Variants in CR1 observed in about 807,000 individuals in gnomAD.
CR1 encodes complement receptor type 1.
CR1 carries 116 observed loss-of-function variants against 187.3 expected under a neutral mutation model. The ratio of observed to expected loss-of-function variants is 0.62; its 90% CI spans 0.53 to 0.72. The LOEUF (loss-of-function observed/expected upper bound fraction) is 0.72. Among genes scored for constraint, CR1 ranks in the 30% least tolerant of loss-of-function variants. The probability of loss-of-function intolerance (pLI) is 0.00; values close to 1 mark genes in which losing one functional copy is unlikely to be tolerated. For missense variants in CR1, 1,731 were observed against 2,110.7 expected (o/e 0.82, Z 3.52); for synonymous variants, 576 against 747.1 (o/e 0.77, Z 3.73).
rs536671038 is a variant in CR1, at chr1:207,634,920, G to A, written c.7457+4299G>A. On this transcript the variant is annotated intron_variant, in intron 46 of 46. Transcript: ENST00000367049. ...TGTACGTTTTCTAGAATGGAAGGAG[G>A]CTGTTTAGTAGCTCAACTCTGAGAA... is the stretch of plus-strand genomic sequence containing the variant. 9.2e-5 allele frequency among the ~76,000 whole-genome samples: 14 copies of A among 152,292 alleles called. No homozygotes were observed. In the East Asian group the frequency reaches 2.7e-3, roughly 29 times the overall value.
At chr1:207,568,353 A>T (rs1311355824) in intron 25 of CR1, among the ~76,000 whole-genome samples, 1 of 109,208 alleles carries the variant, frequency 9.2e-6, no homozygotes, top group Non-Finnish European at 1.8e-5. Flanking sequence ...CTGACCTAGA[A>T]AATCGGTGGC....
intron 44 of CR1, 114 bp downstream of exon 44, chr1:207,622,110 T>A: frequency 2.8e-6 from 2 of 713,708 alleles, no homozygotes; most frequent in Non-Finnish European, 4.4e-6. Context: ...TGTAAAGAGA[T>A]CAAAATATCT....
intron 35 of CR1, among the ~76,000 whole-genome samples, chr1:207,598,152 A>G (rs1005449163): frequency 2.6e-5 from 4 of 152,222 alleles, no homozygotes; most frequent in Admixed American, 2.6e-4. Context: ...AATTTTTGGA[A>G]CTAAGCAGTG....
chr1:207,510,875 G>A (rs1372375673), intron 3 of CR1, among the ~76,000 whole-genome samples: 1 of 149,194 alleles, frequency 6.7e-6, no homozygotes, highest in African/African-American at 2.5e-5. Context: ...AGGCTGGAGT[G>A]CAGTGGCATG....
In CR1 at chr1:207,640,948, C is replaced by T. The variant is rs1662966577; in HGVS notation, c.*1539C>T. The stretch of plus-strand genomic sequence containing the variant: ...AGCTTAAGAAAAATCAACTGATAAA[C>T]TGCAAGAAAAAAATGCAACTTACAT... On this transcript the variant is annotated 3_prime_UTR_variant, in exon 47 of 47. Transcript: ENST00000367049. 1 of 152,018 alleles carries T rather than the reference C, an allele frequency of 6.6e-6. No individual in the cohort carries two copies. Among genetic ancestry groups the T allele is most frequent in the Admixed American group, 6.5e-5 (1 of 15,270 alleles). 9.4% of individuals were successfully genotyped at this position (152,018 alleles called of 1,614,324 possible).
At chr1:207,610,746 CT>C (rs966687576) in intron 37 of CR1, among the ~76,000 whole-genome samples, 12 of 151,734 alleles carry the variant, frequency 7.9e-5, no homozygotes, top group African/African-American at 2.9e-4. Flanking sequence ...AAGTCTGTAG[CT>C]TTTTTTTCTT....
At chr1:207,609,778 T>C in intron 37 of CR1, 90 bp downstream of exon 37, 1 of 1,331,242 alleles carries the variant, frequency 7.5e-7, no homozygotes, top group Non-Finnish European at 9.8e-7. Context: ...GTATAAGGAC[T>C]ATGAAATTGG....
rs557996744 is a variant in CR1 at position 207,601,494 on chromosome 1, C to A, written c.5811-5757C>A. Among the ~76,000 whole-genome samples, 23 of 152,228 alleles carry A rather than the reference C, an allele frequency of 1.5e-4. No homozygotes were observed. In the South Asian group the frequency reaches 3.9e-3, roughly 26 times the overall value. The stretch of plus-strand genomic sequence containing the variant: ...TTTAACTTTTCAAAGAATTGCCAGA[C>A]TATTTTCCACAGCTGCTGTACCATT... On this transcript the variant is annotated intron_variant, in intron 35 of 46. Transcript: ENST00000367049.
intron 23 of CR1, 21 bp downstream of exon 23, chr1:207,564,255 C>A (rs1413892697): frequency 1.3e-6 from 2 of 1,562,836 alleles, no homozygotes; most frequent in Non-Finnish European, 1.7e-6. Flanking sequence ...GCTTGCCTGA[C>A]CTGCTGGACA....
At chr1:207,575,469 G>A in intron 27 of CR1, 126 bp from the exon 28 acceptor site, 1 of 1,168,816 alleles carries the variant, frequency 8.6e-7, no homozygotes, top group Admixed American at 1.9e-5. Context: ...GGAAACAATA[G>A]GTAAAGTTTA....
In CR1 at chr1:207,508,039, A is replaced by G. The variant is rs137969912; in HGVS notation, c.401+1226A>G. 7.9e-5 allele frequency among the ~76,000 whole-genome samples: 12 copies of G among 152,354 alleles called. No individual in the cohort carries two copies. In the East Asian group the frequency reaches 2.3e-3, roughly 29 times the overall value. On this transcript the variant is annotated intron_variant, in intron 3 of 46. Coordinates refer to ENST00000367049, the MANE Select transcript of CR1 (RefSeq NM_000651.6). ...CACCATCACTAAGTGAAAGAAGCCAATCTGAAAAGGCTACATAACATATGA... is the reference window on the plus strand; with the variant it reads ...CACCATCACTAAGTGAAAGAAGCCAGTCTGAAAAGGCTACATAACATATGA...
In CR1 at chr1:207,575,523, G is replaced by T. The variant is rs1233151068; in HGVS notation, c.4452-72G>T. 3 of 1,595,514 alleles carry T rather than the reference G, an allele frequency of 1.9e-6. No individual in the cohort carries two copies. In the African/African-American group the frequency reaches 4.0e-5, roughly 21 times the overall value. ...TCCTGCATTGTAATCCTTCTGGTTT[G>T]CCACATATGCATGCTGTCAGGAAGT... On this transcript the variant is annotated intron_variant, in intron 27 of 46. Transcript: ENST00000367049.
chr1:207,500,253 A>G (rs1388734014), intron 1 of CR1, among the ~76,000 whole-genome samples: 1 of 152,242 alleles, frequency 6.6e-6, no homozygotes, highest in Non-Finnish European at 1.5e-5. Context: ...TTACATTTCA[A>G]AAATTTATAT....
Position 207,640,067 on chromosome 1 carries a change from T to C in CR1, c.*658T>C, listed in dbSNP as rs1161813963. On this transcript the variant is annotated 3_prime_UTR_variant, in exon 47 of 47. Coordinates refer to ENST00000367049, the MANE Select transcript of CR1 (RefSeq NM_000651.6). Reference sequence around the variant, plus strand: ...TTACTAGAAAGGCATGAAATGATCATGGGAAGAGTGGTTAAGACTACTGAA... The same window carrying C: ...TTACTAGAAAGGCATGAAATGATCACGGGAAGAGTGGTTAAGACTACTGAA... 6.6e-6 allele frequency: 1 copy of C among 152,256 alleles called. No individual in the cohort carries two copies. The highest frequency in any genetic ancestry group is 1.5e-5 in the Non-Finnish European group (1 of 68,042). The allele number at this position is 152,256 out of a possible 1,614,324, so 9.4% of individuals were successfully genotyped here. A position where few individuals can be genotyped will look rare whatever the true frequency, so the allele number is the denominator to read the frequency against.
chr1:207,505,286 T>A (rs1659392389), intron 1 of CR1, among the ~76,000 whole-genome samples: 1 of 152,150 alleles, frequency 6.6e-6, no homozygotes, highest in African/African-American at 2.4e-5. Flanking sequence ...CCCAAGTAGC[T>A]GTGCACAGGC....
At chr1:207,635,714 T>C (rs1662792094) in intron 46 of CR1, among the ~76,000 whole-genome samples, 1 of 152,186 alleles carries the variant, frequency 6.6e-6, no homozygotes, top group South Asian at 2.1e-4. Flanking sequence ...AGGCCATATC[T>C]CAGGCTATCA....
chr1:207,577,667 G>A (rs1258546496), intron 28 of CR1, 138 bp from the exon 29 acceptor site: 15 of 1,350,448 alleles, frequency 1.1e-5, no homozygotes, highest in East Asian at 2.5e-5. Flanking sequence ...CTACTCGGGA[G>A]GTTGAGGTGG....
chr1:207,595,605 C>A (rs192043259), intron 35 of CR1, among the ~76,000 whole-genome samples: 169 of 152,068 alleles, frequency 1.1e-3, no homozygotes, highest in Admixed American at 2.2e-3. Context: ...GCCAAGCTGC[C>A]ATTCATCTGC....
At chr1:207,505,777 A>C in intron 1 of CR1, 127 bp from the exon 2 acceptor site, 2 of 1,017,008 alleles carry the variant, frequency 2.0e-6, no homozygotes, top group Non-Finnish European at 2.9e-6. Flanking sequence ...CGGAGGTTGC[A>C]GTGAGCCAAG....
Sources: gnomAD v4.1 joint callset for allele counts (sites outside exome capture counted in the v4.1 genomes callset) on GRCh38, gnomAD v4.1.1 for gene constraint, MANE v1.5 for transcripts, NCBI Gene and HGNC (gene_info 2026-07-23, HGNC 2026-07-21) for gene names.